Variants in CCDC43 observed in about 807,000 individuals in gnomAD.
The protein encoded by CCDC43 is coiled-coil domain containing 43.
Under a neutral mutation model 33.3 loss-of-function variants are expected in CCDC43, and 20 were observed. The ratio of observed to expected loss-of-function variants is 0.60; its 90% confidence interval spans 0.42 to 0.87. The LOEUF (loss-of-function observed/expected upper bound fraction) is 0.87, where lower values mean the gene tolerates loss of function less well. Ranked by LOEUF, CCDC43 falls within the 40% of genes least tolerant of loss-of-function variation. The pLI, the probability that CCDC43 is intolerant of heterozygous loss-of-function variation, is 0.00. For missense variants in CCDC43, 248 were observed against 269.9 expected, an observed-to-expected ratio of 0.92 and a Z score of 0.57; for synonymous variants, 104 against 106.5, an observed-to-expected ratio of 0.98 and a Z score of 0.14.
intron 1 of CCDC43, 137 bp downstream of exon 1, chr17:44,689,413 A>G (rs1425790194): frequency 1.2e-5 from 16 of 1,297,532 alleles, no homozygotes; most frequent in Non-Finnish European, 4.2e-6. Flanking sequence ...CCCGCCGCCC[A>G]GATATCAGAG....
intron 4 of CCDC43, among the ~76,000 whole-genome samples, chr17:44,679,273 A>T (rs1042648223): frequency 2.6e-5 from 4 of 152,204 alleles, no homozygotes; most frequent in Non-Finnish European, 5.9e-5. Flanking sequence ...ATTCAGATTT[A>T]CCTAAATCTG....
intron 1 of CCDC43, among the ~76,000 whole-genome samples, chr17:44,685,825 C>T (rs1007934641): frequency 1.3e-5 from 2 of 152,154 alleles, no homozygotes; most frequent in Admixed American, 6.5e-5. Context: ...AAGAGGAAAC[C>T]AAAGCACAGA....
At position 44,689,764 on chromosome 17, in the gene CCDC43, G is replaced by C. The variant is rs765878212; in HGVS notation, c.-11C>G. ...GCTGGGCGCCGCCATCTTGGGGTCA[G>C]GGTCCTGCAAGCCCCTAGGGCGCCT... On this transcript the variant is annotated 5_prime_UTR_variant, in exon 1 of 5. Transcript: ENST00000315286. 26 of 1,545,744 alleles carry C rather than the reference G, an allele frequency of 1.7e-5. No homozygotes were observed. Among genetic ancestry groups the C allele is most frequent in the Non-Finnish European group, 2.2e-5 (25 of 1,148,550 alleles).
chr17:44,689,483 G>A, intron 1 of CCDC43, 67 bp downstream of exon 1: 7 of 1,599,222 alleles, frequency 4.4e-6, no homozygotes, highest in Non-Finnish European at 5.1e-6. Flanking sequence ...GGGGAGGGAG[G>A]GTGCAAAGTA....
intron 1 of CCDC43, among the ~76,000 whole-genome samples, chr17:44,685,044 C>T (rs1972213984): frequency 6.6e-6 from 1 of 152,196 alleles, no homozygotes; most frequent in Non-Finnish European, 1.5e-5. Flanking sequence ...TCTTGGCCCC[C>T]TAAAGTGTTG....
chr17:44,681,970 T>TA (rs1972169540), intron 3 of CCDC43, 33 bp downstream of exon 3: 1 of 1,613,324 alleles, frequency 6.2e-7, no homozygotes, highest in African/African-American at 1.3e-5. Flanking sequence ...GCTTGAGCTT[T>TA]AGGGAATGGT....
chr17:44,680,276 T>G (rs750708258), intron 4 of CCDC43, among the ~76,000 whole-genome samples: 7 of 152,158 alleles, frequency 4.6e-5, no homozygotes, highest in Non-Finnish European at 7.4e-5. Context: ...GTGTAAGCCA[T>G]CACGCCTGAC....
rs1374824558 is a variant in CCDC43 at position 44,682,145 on chromosome 17, G to A, written c.293-7C>T. Reference sequence around the variant, plus strand: ...GCAATGGCCTGTACTTCATCTGGGAGGTGGTGGAAGGAAGAACAAGGTTGT... The same window carrying A: ...GCAATGGCCTGTACTTCATCTGGGAAGTGGTGGAAGGAAGAACAAGGTTGT... On this transcript the variant is annotated splice_polypyrimidine_tract_variant and splice_region_variant and intron_variant, in intron 2 of 4. Coordinates refer to ENST00000315286, the MANE Select transcript of CCDC43 (RefSeq NM_144609.3). 1.2e-6 allele frequency: 2 copies of A among 1,613,932 alleles called. No homozygotes were observed. Among genetic ancestry groups the A allele is most frequent in the Admixed American group, 1.7e-5 (1 of 60,018 alleles).
chr17:44,681,268 C>G (rs965075942), intron 3 of CCDC43, among the ~76,000 whole-genome samples: 1 of 152,080 alleles, frequency 6.6e-6, no homozygotes, highest in Non-Finnish European at 1.5e-5. Flanking sequence ...GAAACACTGT[C>G]TCTACTAAAA....
chr17:44,678,748 G>A lies in CCDC43; in HGVS notation c.*108C>T. On this transcript the variant is annotated 3_prime_UTR_variant, in exon 5 of 5. Transcript: ENST00000315286. ...TCCTTTTGACCATGTAAACAATAGGGGAAATGCCTTGGGAAACTACTTTGC... is the reference window on the plus strand; with the variant it reads ...TCCTTTTGACCATGTAAACAATAGGAGAAATGCCTTGGGAAACTACTTTGC... The A allele has an allele frequency of 5.4e-6, 6 of 1,113,054 alleles. No individual in the cohort carries two copies. The highest frequency in any genetic ancestry group is 7.6e-6 in the Non-Finnish European group (6 of 792,402). 68.9% of individuals were successfully genotyped at this position (1,113,054 alleles called of 1,614,324 possible).
chr17:44,682,882 A>G (rs773422398), intron 2 of CCDC43, among the ~76,000 whole-genome samples: 43 of 152,216 alleles, frequency 2.8e-4, no homozygotes, highest in Non-Finnish European at 5.3e-4. Flanking sequence ...TTGCCATGCT[A>G]TAAAATAAAA....
chr17:44,689,594 C>T lies in CCDC43; in HGVS notation c.160G>A (p.Glu54Lys). 6.2e-7 allele frequency: 1 copy of T among 1,614,036 alleles called. No homozygotes were observed. The highest frequency in any genetic ancestry group is 8.5e-7 in the Non-Finnish European group (1 of 1,179,894). Residue 54 changes from glutamate to lysine, a missense_variant, in exon 1 of 5, where the codon GAA (glutamate) becomes AAA (lysine). Transcript: ENST00000315286. Reference protein sequence around the residue: ...ILGILQEEEEEEKLDALQGIL... With the variant: ...ILGILQEEEEKEKLDALQGIL... ...CCCTGCAGAGCGTCCAGCTTCTCTTCTTCCTCCTCCTCCTGCAGGATACCC... is the reference window on the plus strand; with the variant it reads ...CCCTGCAGAGCGTCCAGCTTCTCTTTTTCCTCCTCCTCCTGCAGGATACCC...
Position 44,682,053 on chromosome 17 carries a change from C to T in CCDC43, c.378G>A (p.Gln126=), listed in dbSNP as rs1194866154. ...ACTGGGCCAGGAGGGCAGCTTTTCT[C>T]TGCTTCTCCTCTTCTGACACCATCC... is the stretch of plus-strand genomic sequence containing the variant. ...KPRMVSEEEK[Q]RKAALLAQYA... is the part of the protein sequence containing the mutation. Residue 126 remains glutamine, a synonymous_variant, in exon 3 of 5, where the codon CAG becomes CAA. Transcript: ENST00000315286. The T allele has an allele frequency of 1.9e-6, 3 of 1,613,908 alleles. No homozygotes were observed. The highest frequency in any genetic ancestry group is 2.7e-5 in the African/African-American group (2 of 74,936).
chr17:44,683,010 G>C (rs1443608895), intron 2 of CCDC43, among the ~76,000 whole-genome samples: 1 of 151,976 alleles, frequency 6.6e-6, no homozygotes, highest in Non-Finnish European at 1.5e-5. Flanking sequence ...CAAATGCCTG[G>C]GCCCCAACCC....
Position 44,680,653 on chromosome 17 carries a change from G to A in CCDC43, c.429-10C>T, listed in dbSNP as rs1173141198. 3 of 1,599,838 alleles carry A rather than the reference G, an allele frequency of 1.9e-6. No individual in the cohort carries two copies. The highest frequency in any genetic ancestry group is 2.7e-5 in the African/African-American group (2 of 74,730). ...CTTCTCATCTGCTTCAGTAAGTGAT[G>A]TTAAGGAAAGTCAGATGGAAAACAA... On this transcript the variant is annotated splice_polypyrimidine_tract_variant and intron_variant, in intron 3 of 4. Coordinates refer to ENST00000315286, the MANE Select transcript of CCDC43 (RefSeq NM_144609.3).
At chr17:44,683,814 T>C in intron 2 of CCDC43, 58 bp downstream of exon 2, 1 of 1,180,034 alleles carries the variant, frequency 8.5e-7, no homozygotes, top group Non-Finnish European at 1.3e-6. Context: ...CTAACAGCTA[T>C]ACAGTCAAGG....
At chr17:44,687,723 A>G (rs981490550) in intron 1 of CCDC43, 9 of 152,224 alleles carry the variant, frequency 5.9e-5, no homozygotes, top group African/African-American at 2.2e-4. Context: ...CAACAGCTTC[A>G]TGGAGTGTTT....
At chr17:44,682,391 TAAAAAAAAA>T (rs67280453) in intron 2 of CCDC43, among the ~76,000 whole-genome samples, 1 of 101,000 alleles carries the variant, frequency 9.9e-6, no homozygotes, top group East Asian at 3.1e-4. Context: ...TCTGCTGCCT[TAAAAAAAAA>T]AAAAAAAAAA....
rs1972100500 is a variant in CCDC43 at position 44,677,941 on chromosome 17, T to C, written c.*915A>G. ...AGAAATGGAGAGCTTCTGCTCACTT[T>C]TGACTCTCCCAGTTTTTCCATTCAC... On this transcript the variant is annotated 3_prime_UTR_variant, in exon 5 of 5. Coordinates refer to ENST00000315286, the MANE Select transcript of CCDC43 (RefSeq NM_144609.3). 1.3e-5 allele frequency: 2 copies of C among 152,620 alleles called. No homozygotes were observed. The highest frequency in any genetic ancestry group is 4.2e-4 in the South Asian group (2 of 4,818). The allele number at this position is 152,620 out of a possible 1,614,324, so 9.5% of individuals were successfully genotyped here.
Sources: gnomAD v4.1 joint callset for allele counts (sites outside exome capture counted in the v4.1 genomes callset) on GRCh38, gnomAD v4.1.1 for gene constraint, MANE v1.5 for transcripts, NCBI Gene and HGNC (gene_info 2026-07-23, HGNC 2026-07-21) for gene names.